The following GALNT13 variants were observed in gnomAD, a reference collection of about 807,000 sequenced individuals.
The protein encoded by GALNT13 is UDP-GalNAc:polypeptide N-acetylgalactosaminyltransferase 13.
Under a neutral mutation model 64.2 loss-of-function variants are expected in GALNT13, and 28 were observed. That is an observed-to-expected ratio of 0.44 (90% CI 0.32 to 0.60). The LOEUF (loss-of-function observed/expected upper bound fraction) is 0.60, where lower values mean the gene tolerates loss of function less well. Among genes scored for constraint, GALNT13 ranks in the 20% least tolerant of loss-of-function variants. The probability of loss-of-function intolerance (pLI) is 0.05; values close to 1 mark genes in which losing one functional copy is unlikely to be tolerated. For synonymous variants in GALNT13, 214 were observed against 224.6 expected, an observed-to-expected ratio of 0.95 and a Z score of 0.42; for missense variants, 577 against 669.8, an observed-to-expected ratio of 0.86 and a Z score of 1.53.
intron 8 of GALNT13, among the ~76,000 whole-genome samples, chr2:154,283,153 C>A (rs1429849689): frequency 6.6e-6 from 1 of 152,128 alleles, no homozygotes; most frequent in East Asian, 1.9e-4. Context: ...CTAAGAATTA[C>A]GGGATTTGTC....
At position 154,195,097 on chromosome 2, in the gene GALNT13, A is replaced by C. The variant is rs1034654680; in HGVS notation, c.312-46933A>C. Among the ~76,000 whole-genome samples, 4 of 152,060 alleles carry C rather than the reference A, an allele frequency of 2.6e-5. 1 individual carries two copies. Among genetic ancestry groups the C allele is most frequent in the Non-Finnish European group, 5.9e-5 (4 of 68,020 alleles). ...TCTGTCCATGTGTTCTCAAGAGAGC[A>C]GTATTCTTAACCACTGCTCTGTACT... On this transcript the variant is annotated intron_variant, in intron 4 of 12. Transcript: ENST00000392825.
chr2:154,375,118 GC>G (rs1256226043), intron 9 of GALNT13, among the ~76,000 whole-genome samples: 1 of 152,064 alleles, frequency 6.6e-6, no homozygotes, highest in African/African-American at 2.4e-5. Flanking sequence ...CTCCCAAGTA[GC>G]TGGGACTACA....
the GALNT13 span, among the ~76,000 whole-genome samples, chr2:153,291,356 G>T: frequency 6.6e-6 from 1 of 152,150 alleles, no homozygotes; most frequent in Non-Finnish European, 1.5e-5. Flanking sequence ...GGTTGAAAAA[G>T]ATATCAACGT....
At chr2:153,843,301 C>A in the GALNT13 span, among the ~76,000 whole-genome samples, 2 of 152,188 alleles carry the variant, frequency 1.3e-5, no homozygotes, top group Non-Finnish European at 2.9e-5. Flanking sequence ...TATGTCACAT[C>A]ACAAAAGTAA....
At chr2:153,167,066 G>A in the GALNT13 span, among the ~76,000 whole-genome samples, 1 of 152,198 alleles carries the variant, frequency 6.6e-6, no homozygotes, top group Non-Finnish European at 1.5e-5. Flanking sequence ...AAGAAACTAT[G>A]AGAGAATAAA....
the GALNT13 span, among the ~76,000 whole-genome samples, chr2:153,499,241 C>T: frequency 2.6e-5 from 4 of 152,190 alleles, no homozygotes; most frequent in African/African-American, 7.2e-5. Context: ...CACTAAGTGA[C>T]AGAACAGCTC....
chr2:154,380,858 T>C (rs1259807718), intron 9 of GALNT13, among the ~76,000 whole-genome samples: 1 of 152,028 alleles, frequency 6.6e-6, no homozygotes, highest in East Asian at 1.9e-4. Context: ...CAATTTTACA[T>C]GTCAGAATTT....
chr2:153,205,335 T>G, the GALNT13 span, among the ~76,000 whole-genome samples: 2 of 152,074 alleles, frequency 1.3e-5, no homozygotes, highest in Admixed American at 1.3e-4. Flanking sequence ...CACAATGACA[T>G]TTTTGCTGAT....
the GALNT13 span, among the ~76,000 whole-genome samples, chr2:153,584,180 C>T: frequency 6.6e-6 from 1 of 152,166 alleles, no homozygotes; most frequent in African/African-American, 2.4e-5. Context: ...TCAGTGGTTG[C>T]TCCTCACCCA....
At chr2:153,736,443 G>C in the GALNT13 span, among the ~76,000 whole-genome samples, 2 of 152,058 alleles carry the variant, frequency 1.3e-5, no homozygotes, top group African/African-American at 4.8e-5. Flanking sequence ...AAGAACATTG[G>C]TTCCTTTTAA....
chr2:154,327,747 A>G (rs1694955460), intron 9 of GALNT13, among the ~76,000 whole-genome samples: 1 of 152,138 alleles, frequency 6.6e-6, no homozygotes, highest in Admixed American at 6.6e-5. Flanking sequence ...AAAGTCTTAC[A>G]GAAGACAATT....
intron 7 of GALNT13, among the ~76,000 whole-genome samples, chr2:154,250,159 C>A (rs983146411): frequency 5.3e-5 from 8 of 152,016 alleles, no homozygotes; most frequent in African/African-American, 1.9e-4. Flanking sequence ...TTGAAATGAG[C>A]AATGTCTTTG....
At chr2:154,052,820 T>C (rs1699701614) in intron 3 of GALNT13, among the ~76,000 whole-genome samples, 1 of 149,622 alleles carries the variant, frequency 6.7e-6, no homozygotes, top group Non-Finnish European at 1.5e-5. Flanking sequence ...CACTGCAAGC[T>C]CCGCCTCCCG....
the GALNT13 span, among the ~76,000 whole-genome samples, chr2:153,132,984 A>C: frequency 6.6e-6 from 1 of 151,934 alleles, no homozygotes; most frequent in Non-Finnish European, 1.5e-5. Flanking sequence ...TGGCCTCCCA[A>C]AGTGCTGGGA....
intron 11 of GALNT13, among the ~76,000 whole-genome samples, chr2:154,431,332 G>A (rs1442268670): frequency 2.0e-5 from 3 of 152,132 alleles, no homozygotes; most frequent in Non-Finnish European, 4.4e-5. Flanking sequence ...GCTCATGCTA[G>A]AGATTTGAGA....
intron 8 of GALNT13, among the ~76,000 whole-genome samples, chr2:154,259,531 T>C (rs766174009): frequency 5.9e-5 from 9 of 152,278 alleles, no homozygotes; most frequent in Non-Finnish European, 1.2e-4. Flanking sequence ...CTCAGAAAAC[T>C]TTAAGAATGA....
chr2:153,646,743 T>G, the GALNT13 span, among the ~76,000 whole-genome samples: 1 of 152,166 alleles, frequency 6.6e-6, no homozygotes, highest in Non-Finnish European at 1.5e-5. Flanking sequence ...GATAGTTTGC[T>G]GAGAATGATG....
intron 8 of GALNT13, among the ~76,000 whole-genome samples, chr2:154,278,061 A>T (rs929154148): frequency 6.6e-6 from 1 of 152,110 alleles, no homozygotes; most frequent in African/African-American, 2.4e-5. Flanking sequence ...TTTTTTCTCT[A>T]TTTTAAGTGG....
chr2:153,179,685 C>T, the GALNT13 span, among the ~76,000 whole-genome samples: 1 of 152,210 alleles, frequency 6.6e-6, no homozygotes, highest in South Asian at 2.1e-4. Context: ...ATACCATGAA[C>T]ACGAGGTATC....
Sources: gnomAD v4.1 joint callset for allele counts (sites outside exome capture counted in the v4.1 genomes callset) on GRCh38, gnomAD v4.1.1 for gene constraint, MANE v1.5 for transcripts, NCBI Gene and HGNC (gene_info 2026-07-23, HGNC 2026-07-21) for gene names.